TTC27: variants seen among roughly 807,000 people sequenced by gnomAD.
TTC27 encodes tetratricopeptide repeat domain 27, also known as tetratricopeptide repeat protein 27.
TTC27 carries 79 observed loss-of-function variants against 115.9 expected under a neutral mutation model. That is an observed-to-expected ratio of 0.68 (90% CI 0.57 to 0.82). The LOEUF is 0.82. TTC27 is among the 40% of genes least tolerant of loss of function. The pLI is 0.00. For missense variants in TTC27, 1,054 were observed against 993.1 expected (o/e 1.06, Z -0.82); for synonymous variants, 401 against 356.0 (o/e 1.13, Z -1.42).
intron 12 of TTC27, among the ~76,000 whole-genome samples, chr2:32,738,011 A>G (rs1032302667): frequency 2.0e-5 from 3 of 152,120 alleles, no homozygotes; most frequent in Non-Finnish European, 2.9e-5. Context: ...GTGAGACCCT[A>G]TCTCAAAAAA....
chr2:32,685,742 A>C (rs1368014916), intron 9 of TTC27, among the ~76,000 whole-genome samples: 1 of 152,214 alleles, frequency 6.6e-6, no homozygotes, highest in African/African-American at 2.4e-5. Flanking sequence ...GATTAAGTGC[A>C]TCTAGCTAAA....
rs1664933996 is a variant in TTC27 at position 32,648,109 on chromosome 2, A to G, written c.538-2022A>G. Among the ~76,000 whole-genome samples, 3 of 151,918 alleles carry G rather than the reference A, an allele frequency of 2.0e-5. No individual in the cohort carries two copies. The South Asian group carries it at 6.2e-4, about 32-fold the overall frequency. On this transcript the variant is annotated intron_variant, in intron 4 of 19. Coordinates refer to ENST00000317907, the MANE Select transcript of TTC27 (RefSeq NM_017735.5). Reference sequence around the variant, plus strand: ...GGATGATATTGGGGCTGTGGAAGAGAGATTTTCACTCTTCACCGTATATAC... The same window carrying G: ...GGATGATATTGGGGCTGTGGAAGAGGGATTTTCACTCTTCACCGTATATAC...
At chr2:32,735,097 T>C (rs941681518) in intron 11 of TTC27, among the ~76,000 whole-genome samples, 5 of 152,178 alleles carry the variant, frequency 3.3e-5, no homozygotes, top group African/African-American at 1.2e-4. Context: ...CAACCCACCA[T>C]CCAATCGTTT....
chr2:32,770,454 A>G (rs1226323187), intron 13 of TTC27, among the ~76,000 whole-genome samples: 2 of 152,212 alleles, frequency 1.3e-5, no homozygotes, highest in East Asian at 3.8e-4. Flanking sequence ...GTATGCTAGG[A>G]CGTAATGGCA....
chr2:32,802,733 C>G (rs908168080), intron 16 of TTC27, among the ~76,000 whole-genome samples: 7 of 152,182 alleles, frequency 4.6e-5, no homozygotes, highest in Non-Finnish European at 1.0e-4. Context: ...TCATCCTCAT[C>G]TTCCCTTCTC....
chr2:32,756,675 G>A (rs921032935), intron 12 of TTC27, among the ~76,000 whole-genome samples: 6 of 152,092 alleles, frequency 3.9e-5, no homozygotes, highest in East Asian at 1.9e-4. Context: ...ACAGACTTTC[G>A]GATTGCCAAC....
chr2:32,787,405 T>G (rs1670386482), intron 16 of TTC27, among the ~76,000 whole-genome samples: 1 of 152,220 alleles, frequency 6.6e-6, no homozygotes, highest in Admixed American at 6.5e-5. Flanking sequence ...GGGTTACATA[T>G]ATAGTCACTT....
chr2:32,727,489 T>C (rs1200575683), intron 10 of TTC27, among the ~76,000 whole-genome samples: 1 of 152,222 alleles, frequency 6.6e-6, no homozygotes, highest in Admixed American at 6.5e-5. Context: ...GAAACCAGCA[T>C]CTGTTGAATT....
chr2:32,792,288 G>T (rs1413168646), intron 16 of TTC27, among the ~76,000 whole-genome samples: 1 of 152,140 alleles, frequency 6.6e-6, no homozygotes, highest in Non-Finnish European at 1.5e-5. Context: ...AAAGAGAAGA[G>T]GAGAGAATGG....
At position 32,777,928 on chromosome 2, in the gene TTC27, A is replaced by C; in HGVS notation, c.1727A>C (p.Asp576Ala). The change falls in exon 14 of 20, where the codon GAC becomes GCC. Residue 576 changes from aspartate to alanine, a missense_variant. Coordinates refer to ENST00000317907, the MANE Select transcript of TTC27 (RefSeq NM_017735.5). ...SLGCAYLALE[D>A]YQGSAKAFQR... Reference sequence around the variant, plus strand: ...GGTTGTGCCTATTTGGCCTTGGAAGACTATCAAGGTTCAGCAAAGGCATTT... The same window carrying C: ...GGTTGTGCCTATTTGGCCTTGGAAGCCTATCAAGGTTCAGCAAAGGCATTT... The C allele has an allele frequency of 3.7e-6, 6 of 1,613,954 alleles. No homozygotes were observed. Among genetic ancestry groups the C allele is most frequent in the Non-Finnish European group, 5.1e-6 (6 of 1,179,958 alleles).
chr2:32,783,297 G>A (rs1670243820), intron 15 of TTC27, among the ~76,000 whole-genome samples: 1 of 152,148 alleles, frequency 6.6e-6, no homozygotes, highest in Admixed American at 6.5e-5. Flanking sequence ...GCTTCTGAGA[G>A]AATGTTGGAC....
At chr2:32,691,708 A>G (rs1452208360) in intron 9 of TTC27, among the ~76,000 whole-genome samples, 1 of 149,656 alleles carries the variant, frequency 6.7e-6, no homozygotes, top group Non-Finnish European at 1.5e-5. Flanking sequence ...ATAAAATATT[A>G]TAACTATAAA....
rs1460750060 is a variant in TTC27, at chr2:32,758,640, G to T, written c.1680+121G>T. On this transcript the variant is annotated intron_variant, in intron 13 of 19. Transcript: ENST00000317907. ...TGGTGAGTTTGTTTTTGACAGCTAA[G>T]AACTTAGTCTCTAATAGACTTTTTG... 1.2e-5 allele frequency: 11 copies of T among 901,218 alleles called. No individual in the cohort carries two copies. In the East Asian group the frequency reaches 2.6e-4, roughly 22 times the overall value. 55.8% of individuals were successfully genotyped at this position (901,218 alleles called of 1,614,324 possible).
rs1665684213 is a variant in TTC27, at chr2:32,664,373, T to C, written c.711T>C (p.Cys237=). The change falls in exon 6 of 20, where the codon TGT becomes TGC. Residue 237 remains cysteine, a synonymous_variant. Transcript: ENST00000317907. ...TGGCTATTCAATTCCATCTGGAATG[T>C]GCATATGTGTTTTTATATTATTATG... ...RYLAIQFHLE[C]AYVFLYYYEY... is the part of the protein sequence containing the mutation. 6.2e-7 allele frequency: 1 copy of C among 1,612,660 alleles called. No individual in the cohort carries two copies. Among genetic ancestry groups the C allele is most frequent in the Non-Finnish European group, 8.5e-7 (1 of 1,179,388 alleles).
chr2:32,699,185 G>C (rs1667099693), intron 9 of TTC27, among the ~76,000 whole-genome samples: 1 of 152,180 alleles, frequency 6.6e-6, no homozygotes, highest in South Asian at 2.1e-4. Context: ...TTCTGCCCTG[G>C]AGGAACCAAA....
At chr2:32,770,253 T>G (rs1669782676) in intron 13 of TTC27, among the ~76,000 whole-genome samples, 1 of 152,220 alleles carries the variant, frequency 6.6e-6, no homozygotes, top group South Asian at 2.1e-4. Context: ...CCATATATTT[T>G]TAATTCTCTG....
At chr2:32,690,505 G>C (rs565471931) in intron 9 of TTC27, among the ~76,000 whole-genome samples, 1 of 152,312 alleles carries the variant, frequency 6.6e-6, no homozygotes, top group East Asian at 1.9e-4. Context: ...AAGAAAGGAA[G>C]ACAATATTTA....
At chr2:32,634,701 G>A (rs1047913563) in intron 3 of TTC27, among the ~76,000 whole-genome samples, 3 of 151,840 alleles carry the variant, frequency 2.0e-5, no homozygotes, top group African/African-American at 7.3e-5. Context: ...CTGTCACCCA[G>A]GCTGGAGTAC....
intron 12 of TTC27, among the ~76,000 whole-genome samples, chr2:32,757,072 C>G (rs1302094115): frequency 6.6e-6 from 1 of 152,026 alleles, no homozygotes; most frequent in East Asian, 1.9e-4. Flanking sequence ...CTAGTATGAG[C>G]AAGTTTTATC....
Sources: allele counts gnomAD v4.1 joint callset (sites outside exome capture counted in the v4.1 genomes callset), GRCh38; gene constraint gnomAD v4.1.1; transcripts MANE v1.5; gene names NCBI Gene and HGNC (gene_info 2026-07-23, HGNC 2026-07-21).